Variants in NBPF9 observed in about 807,000 individuals in gnomAD.
The protein encoded by NBPF9 is NBPF member 9.
A neutral mutation model predicts 97.8 loss-of-function variants in NBPF9; 91 were observed. That is an observed-to-expected ratio of 0.93 (90% CI 0.79 to 1.11). The LOEUF (loss-of-function observed/expected upper bound fraction) is 1.11. Among genes scored for constraint, NBPF9 ranks in the 50% least tolerant of loss-of-function variants. The pLI, the probability that NBPF9 is intolerant of heterozygous loss-of-function variation, is 0.00. For missense variants in NBPF9, 992 were observed against 939.5 expected (o/e 1.06, Z -0.73); for synonymous variants, 334 against 359.5 (o/e 0.93, Z 0.80).
intron 5 of NBPF9, among the ~76,000 whole-genome samples, chr1:149,085,163 G>A (rs1234824253): frequency 6.6e-6 from 1 of 151,864 alleles, no homozygotes; most frequent in Non-Finnish European, 1.5e-5. Context: ...AGGGATAGAT[G>A]GACAGACACC....
At chr1:149,085,396 G>GT (rs1270570446) in intron 5 of NBPF9, among the ~76,000 whole-genome samples, 3 of 152,138 alleles carry the variant, frequency 2.0e-5, no homozygotes, top group Non-Finnish European at 4.4e-5. Flanking sequence ...ATCTAGCAGA[G>GT]TAAGTCCTCC....
intron 14 of NBPF9, 94 bp downstream of exon 14, chr1:149,072,624 C>T (rs1559527353): frequency 1.3e-6 from 2 of 1,486,458 alleles, no homozygotes; most frequent in Non-Finnish European, 1.9e-6. Context: ...TGGAAAAAAA[C>T]ACCATTGATA....
At chr1:149,082,084 T>C in exon 7 of NBPF9, 1 of 1,610,534 alleles carries the variant, frequency 6.2e-7, no homozygotes, top group South Asian at 1.1e-5. Context: ...CTCGTTGATT[T>C]CTAGAATGTT....
intron 24 of NBPF9, 155 bp from the exon 25 acceptor site, chr1:149,059,963 T>C (rs1225884622): frequency 2.4e-6 from 1 of 418,624 alleles, no homozygotes; most frequent in African/African-American, 2.7e-5. Context: ...AGGCTGGTTA[T>C]GATAGAAATT....
chr1:149,081,525 C>T (rs1431084696), intron 7 of NBPF9, among the ~76,000 whole-genome samples: 2 of 151,932 alleles, frequency 1.3e-5, no homozygotes, highest in African/African-American at 2.4e-5. Context: ...TCACCAAGTT[C>T]CCCTCAGAGT....
chr1:149,087,347 ACAC>A (rs1393849345), intron 5 of NBPF9, among the ~76,000 whole-genome samples: 3 of 149,876 alleles, frequency 2.0e-5, no homozygotes, highest in Non-Finnish European at 4.4e-5. Flanking sequence ...ACACACACAC[ACAC>A]GTTTGTGTGT....
At chr1:149,073,862 C>G in exon 13 of NBPF9, 1 of 1,430,572 alleles carries the variant, frequency 7.0e-7, no homozygotes, top group South Asian at 1.2e-5. Flanking sequence ...TCTTTACACT[C>G]TTCATACTCT....
intron 12 of NBPF9, among the ~76,000 whole-genome samples, chr1:149,074,782 CTTTTTATTCTTA>C (rs2079708220): frequency 6.6e-6 from 1 of 150,482 alleles, no homozygotes; most frequent in African/African-American, 2.4e-5. Context: ...CTACTCTCTG[CTTTTTATTCTTA>C]TTTTTATTTA....
At chr1:149,076,493 G>A (rs2079882648) in intron 11 of NBPF9, among the ~76,000 whole-genome samples, 1 of 148,080 alleles carries the variant, frequency 6.8e-6, no homozygotes, top group Non-Finnish European at 1.5e-5. Context: ...AGCGCCCCTG[G>A]TCAGAGACTT....
chr1:149,052,322 C>A (rs1427817100), downstream of NBPF9, among the ~76,000 whole-genome samples: 1 of 151,890 alleles, frequency 6.6e-6, no homozygotes, highest in Admixed American at 6.6e-5. Context: ...GGGAGAAAAA[C>A]AGTGGAAATC....
intron 1 of NBPF9, 87 bp downstream of exon 1, chr1:149,103,214 A>T (rs1173994499): frequency 6.8e-6 from 1 of 146,650 alleles, no homozygotes; most frequent in Non-Finnish European, 1.5e-5. Context: ...CGCTCGCAAC[A>T]AAGCTTGCGA....
At chr1:149,059,213 T>C (rs2078439839) in intron 25 of NBPF9, 116 bp from the exon 26 acceptor site, 4 of 438,378 alleles carry the variant, frequency 9.1e-6, no homozygotes, top group South Asian at 5.0e-5. Context: ...GACAGATCCA[T>C]TAATGAGGTA....
exon 30 of NBPF9, chr1:149,055,555 T>G (rs1285401479): frequency 6.4e-6 from 10 of 1,565,564 alleles, no homozygotes; most frequent in Non-Finnish European, 8.6e-6. Context: ...TGACCCATCC[T>G]ATGTCTGGGC....
chr1:149,093,473 G>A (rs1447639381), intron 4 of NBPF9, among the ~76,000 whole-genome samples: 7 of 151,404 alleles, frequency 4.6e-5, no homozygotes, highest in Non-Finnish European at 8.8e-5. Context: ...CCCTTCCCAC[G>A]AGGCTGTATT....
chr1:149,078,929 G>T (rs1553655510), intron 9 of NBPF9, 78 bp downstream of exon 9: 1 of 1,555,666 alleles, frequency 6.4e-7, no homozygotes, highest in Admixed American at 1.7e-5. Context: ...TGATACAACT[G>T]TCATTGTGAA....
At chr1:149,097,387 A>T (rs1285306920) in intron 4 of NBPF9, among the ~76,000 whole-genome samples, 1 of 152,064 alleles carries the variant, frequency 6.6e-6, no homozygotes, top group Non-Finnish European at 1.5e-5. Context: ...CCTCTGGCCC[A>T]CTGTTGCCAG....
chr1:149,068,328 T>A (rs1263967589), intron 17 of NBPF9, among the ~76,000 whole-genome samples: 1 of 151,032 alleles, frequency 6.6e-6, no homozygotes, highest in Admixed American at 6.6e-5. Flanking sequence ...AAACACAGAA[T>A]GGCAAATTGG....
At chr1:149,069,127 G>C (rs1298922872) in intron 17 of NBPF9, among the ~76,000 whole-genome samples, 2 of 151,918 alleles carry the variant, frequency 1.3e-5, no homozygotes, top group Non-Finnish European at 2.9e-5. Context: ...AAAGCAATGT[G>C]TAGAGGGAAA....
chr1:149,072,895 G>T lies in NBPF9; in HGVS notation c.1129C>A (p.Leu377Met), dbSNP rs782373608. The T allele has an allele frequency of 1.2e-5, 19 of 1,607,184 alleles. 2 individuals are homozygous for T. The East Asian group carries it at 3.3e-4, about 28-fold the overall frequency. Reference sequence around the variant, plus strand: ...CGCAACTTCTCCCTTAACTGGGTCAGCTCTCGTTCCTGAGCGTGAACCAGG... The same window carrying T: ...CGCAACTTCTCCCTTAACTGGGTCATCTCTCGTTCCTGAGCGTGAACCAGG... The change falls in exon 14 of 30, where the codon CTG (leucine) becomes ATG (methionine). Residue 377 changes from leucine to methionine, a missense_variant. Around this residue, in one of 11 missense-constraint regions of NBPF9, gnomAD observed 187 missense variants for 149.6 expected, o/e 1.25. Coordinates refer to ENST00000584027, the Ensembl canonical transcript of NBPF9.
Sources: allele counts gnomAD v4.1 joint callset (sites outside exome capture counted in the v4.1 genomes callset), GRCh38; gene constraint gnomAD v4.1.1; regional missense constraint gnomAD v4.1.1; transcripts MANE v1.5; gene names NCBI Gene and HGNC (gene_info 2026-07-23, HGNC 2026-07-21).